ATP4A: variants seen among roughly 807,000 people sequenced by gnomAD.
ATP4A encodes ATPase H+/K+ transporting subunit alpha, also known as potassium-transporting ATPase alpha chain 1.
ATP4A carries 73 observed loss-of-function variants against 112.1 expected under a neutral mutation model. That is an observed-to-expected ratio of 0.65 (90% confidence interval 0.54 to 0.79). The LOEUF is 0.79. Among genes scored for constraint, ATP4A ranks in the 30% least tolerant of loss-of-function variants. The pLI, the probability that ATP4A is intolerant of heterozygous loss-of-function variation, is 0.00. For synonymous variants in ATP4A, 588 were observed against 588.9 expected (o/e 1.00, Z 0.02); for missense variants, 1,081 against 1,425.9 (o/e 0.76, Z 3.90).
intron 16 of ATP4A, 116 bp downstream of exon 16, chr19:35,554,806 T>C: frequency 1.4e-6 from 2 of 1,419,120 alleles, no homozygotes; most frequent in Non-Finnish European, 1.9e-6. Flanking sequence ...CACACACAGG[T>C]CTTGTCTGTC....
chr19:35,558,107 C>T lies in ATP4A; in HGVS notation c.1500+255G>A, dbSNP rs1202870891. 6 of 622,706 alleles carry T rather than the reference C, an allele frequency of 9.6e-6. No individual in the cohort carries two copies. The highest frequency in any genetic ancestry group is 1.7e-5 in the Non-Finnish European group (6 of 362,066). 38.6% of individuals were successfully genotyped at this position (622,706 alleles called of 1,614,324 possible). A position where few individuals can be genotyped will look rare whatever the true frequency, so the allele number is the denominator to read the frequency against. On this transcript the variant is annotated intron_variant, in intron 10 of 21. Transcript: ENST00000262623. This position sits in a 1 kb window ranked among gnomAD's most constrained non-coding sequence, Gnocchi z 5.1. ...AACAGAATTAGGGTGCGGAGTTGGG[C>T]TGGGGGCGGATTTGGAGAGCGAGGT...
At chr19:35,563,584 C>T (rs753971456) in intron 1 of ATP4A, 34 bp downstream of exon 1, 2 of 1,613,926 alleles carry the variant, frequency 1.2e-6, no homozygotes, top group Non-Finnish European at 8.5e-7. Flanking sequence ...AACCCCTGTC[C>T]CCACTGCACC....
Position 35,563,641 on chromosome 19 carries a change from C to T in ATP4A, c.-12G>A, listed in dbSNP as rs765280902. On this transcript the variant is annotated 5_prime_UTR_variant, in exon 1 of 22. Coordinates refer to ENST00000262623, the MANE Select transcript of ATP4A (RefSeq NM_000704.3). ...ACGGCCTTCCCCATGGTGCCCGGTG[C>T]CTGTGCTCCCACCCAACAGAGCCTG... 5.6e-6 allele frequency: 9 copies of T among 1,613,952 alleles called. No individual in the cohort carries two copies. The South Asian group carries it at 6.6e-5, about 12-fold the overall frequency.
chr19:35,556,839 A>T (rs2071633635), intron 12 of ATP4A, 74 bp downstream of exon 12: 1 of 1,542,838 alleles, frequency 6.5e-7, no homozygotes, highest in East Asian at 2.3e-5. Flanking sequence ...TGGGTTTGTC[A>T]TGGGGTTCTT....
chr19:35,554,149 G>A (rs1380870746), intron 16 of ATP4A, among the ~76,000 whole-genome samples: 1 of 151,836 alleles, frequency 6.6e-6, no homozygotes, highest in East Asian at 1.9e-4. Context: ...CTGCTCTTGT[G>A]TATTTCTGTG....
chr19:35,551,021 G>A lies in ATP4A; in HGVS notation c.2976C>T (p.Phe992=). 1 of 1,613,998 alleles carries A rather than the reference G, an allele frequency of 6.2e-7. No individual in the cohort carries two copies. The highest frequency in any genetic ancestry group is 1.1e-5 in the South Asian group (1 of 91,044). Residue 992 remains phenylalanine (F), a synonymous_variant, in exon 20 of 22, where the codon TTC becomes TTT. Coordinates refer to ENST00000262623, the MANE Select transcript of ATP4A (RefSeq NM_000704.3). The surrounding 1 kb of genome is among the most constrained non-coding windows in gnomAD (Gnocchi z 5.2). ...TCACAGCCTCTCACCGAATGGGCAT[G>A]AAGTTGAAGATGTTGGGCATGCCGG... is the stretch of plus-strand genomic sequence containing the variant. ...YCPGMPNIFN[F]MPIRFQWWLV... is the part of the protein sequence containing the mutation.
Position 35,555,424 on chromosome 19 carries a change from C to G in ATP4A, c.2157+16G>C. ...GCCTGTCTGCCCGCCTGCCCACCCT[C>G]ATCAGCAGGGCTCACCAGCCGCTGG... On this transcript the variant is annotated intron_variant, in intron 14 of 21. Transcript: ENST00000262623. The surrounding 1 kb of genome is among the most constrained non-coding windows in gnomAD (Gnocchi z 6.6). 3 of 1,610,132 alleles carry G rather than the reference C, an allele frequency of 1.9e-6. No homozygotes were observed. The highest frequency in any genetic ancestry group is 2.5e-6 in the Non-Finnish European group (3 of 1,177,648).
chr19:35,557,559 G>A lies in ATP4A; in HGVS notation c.1693+96C>T. The A allele has an allele frequency of 7.8e-6, 11 of 1,404,686 alleles. No homozygotes were observed. The highest frequency in any genetic ancestry group is 9.6e-6 in the Non-Finnish European group (10 of 1,042,514). 87.0% of individuals were successfully genotyped at this position (1,404,686 alleles called of 1,614,324 possible). On this transcript the variant is annotated intron_variant, in intron 11 of 21. Transcript: ENST00000262623. The surrounding 1 kb of genome is among the most constrained non-coding windows in gnomAD (Gnocchi z 4.4). ...TGCGACAAATCAGCCAGCAGCCAGG[G>A]ATGAGGACGGTCAGGGCTGGGCCGG...
rs1258858572 is a variant in ATP4A, at chr19:35,551,535, A to G, written c.2797T>C (p.Phe933Leu). 6.2e-7 allele frequency: 1 copy of G among 1,613,874 alleles called. No homozygotes were observed. The highest frequency in any genetic ancestry group is 8.5e-7 in the Non-Finnish European group (1 of 1,179,956). The stretch of plus-strand genomic sequence containing the variant: ...TGGCACACCTCAATGCTGATGAAGA[A>G]CACGGTGTAGCAGGTGTACTGCTGG... The part of the protein sequence containing the change: ...LYQQYTCYTV[F>L]FISIEVCQIA... The change falls in exon 19 of 22, where the codon TTC (phenylalanine) becomes CTC (leucine). Residue 933 changes from phenylalanine to leucine, a missense_variant. This residue lies in a region of ATP4A where 219 missense variants were observed against 320.9 expected (regional missense o/e 0.68). Transcript: ENST00000262623. This position sits in a 1 kb window ranked among gnomAD's most constrained non-coding sequence, Gnocchi z 5.2.
Position 35,558,736 on chromosome 19 carries a change from C to T in ATP4A, c.1256-50G>A. 1.3e-6 allele frequency: 2 copies of T among 1,515,584 alleles called. No homozygotes were observed. The highest frequency in any genetic ancestry group is 1.8e-6 in the Non-Finnish European group (2 of 1,128,612). The allele number at this position is 1,515,584 out of a possible 1,614,324, so 93.9% of individuals were successfully genotyped here. Reference sequence around the variant, plus strand: ...GTCCCGCACGGCGGCTCTCCCGGACCAGAACCGAGCCCCCTCCTCCTAGGC... The same window carrying T: ...GTCCCGCACGGCGGCTCTCCCGGACTAGAACCGAGCCCCCTCCTCCTAGGC... On this transcript the variant is annotated intron_variant, in intron 8 of 21. Coordinates refer to ENST00000262623, the MANE Select transcript of ATP4A (RefSeq NM_000704.3). The surrounding 1 kb of genome is among the most constrained non-coding windows in gnomAD (Gnocchi z 5.1).
chr19:35,556,853 C>T, intron 12 of ATP4A, 60 bp downstream of exon 12: 2 of 1,573,096 alleles, frequency 1.3e-6, no homozygotes, highest in East Asian at 2.3e-5. Flanking sequence ...GGTTCTTCAA[C>T]CCAAATCCTG....
At chr19:35,552,296 C>T (rs1442448321) in intron 18 of ATP4A, among the ~76,000 whole-genome samples, 5 of 152,256 alleles carry the variant, frequency 3.3e-5, no homozygotes, top group African/African-American at 1.2e-4. Flanking sequence ...TCATTTAATC[C>T]GCTGGGTAAC....
rs1240197857 is a variant in ATP4A at position 35,559,467 on chromosome 19, G to A, written c.1057-276C>T. Among the ~76,000 whole-genome samples, 1 of 152,240 alleles carries A rather than the reference G, an allele frequency of 6.6e-6. No individual in the cohort carries two copies. Among genetic ancestry groups the A allele is most frequent in the African/African-American group, 2.4e-5 (1 of 41,466 alleles). On this transcript the variant is annotated intron_variant, in intron 7 of 21. Transcript: ENST00000262623. This position sits in a 1 kb window ranked among gnomAD's most constrained non-coding sequence, Gnocchi z 4.1. ...TCTCTTCACACAATCAAAATGAGAA[G>A]AGGAACCTTCCCCGCACCTCCCTGG...
chr19:35,555,272 G>A lies in ATP4A; in HGVS notation c.2220C>T (p.Asp740=), dbSNP rs201082348. 134 of 1,614,084 alleles carry A rather than the reference G, an allele frequency of 8.3e-5. No homozygotes were observed. The highest frequency in any genetic ancestry group is 1.1e-4 in the Non-Finnish European group (124 of 1,180,050). ...VNDSPALKKA[D]IGVAMGIAGS... is the part of the protein sequence containing the mutation. Reference sequence around the variant, plus strand: ...CAGCGATGCCCATGGCTACTCCGATGTCTGCCTTCTTCAGAGCTGGGGAGT... The same window carrying A: ...CAGCGATGCCCATGGCTACTCCGATATCTGCCTTCTTCAGAGCTGGGGAGT... The change falls in exon 15 of 22, where the codon GAC becomes GAT. Residue 740 remains aspartate, a synonymous_variant. Transcript: ENST00000262623. This position sits in a 1 kb window ranked among gnomAD's most constrained non-coding sequence, Gnocchi z 6.6.
Position 35,562,447 on chromosome 19 carries a change from G to C in ATP4A, c.408C>G (p.Thr136=). 1 of 1,613,914 alleles carries C rather than the reference G, an allele frequency of 6.2e-7. No individual in the cohort carries two copies. Among genetic ancestry groups the C allele is most frequent in the South Asian group, 1.1e-5 (1 of 91,024 alleles). ...CAACATGGCTCACATTGTCGTCGGT[G>C]GTGAGGTCCCCCTCACTAGCCTGGA... ...FAIQASEGDL[T]TDDNLYLAIA... is the part of the protein sequence containing the mutation. The change falls in exon 4 of 22, where the codon ACC becomes ACG. Residue 136 remains threonine (T), a synonymous_variant. Transcript: ENST00000262623.
In ATP4A at chr19:35,557,855, C is replaced by A; in HGVS notation, c.1501-8G>T. On this transcript the variant is annotated splice_region_variant and splice_polypyrimidine_tract_variant and intron_variant, in intron 10 of 21. Coordinates refer to ENST00000262623, the MANE Select transcript of ATP4A (RefSeq NM_000704.3). This position sits in a 1 kb window ranked among gnomAD's most constrained non-coding sequence, Gnocchi z 4.4. ...CAGCGTATGGATGGACAGCTGTGGG[C>A]GGGGGGGAGAGGCGAGGCTGTGGAC... 3 of 1,006,888 alleles carry A rather than the reference C, an allele frequency of 3.0e-6. No homozygotes were observed. The highest frequency in any genetic ancestry group is 3.5e-4 in the Middle Eastern group (1 of 2,898). The allele number at this position is 1,006,888 out of a possible 1,614,324, so 62.4% of individuals were successfully genotyped here.
Position 35,559,263 on chromosome 19 carries a change from C to A in ATP4A, c.1057-72G>T. On this transcript the variant is annotated intron_variant, in intron 7 of 21. Coordinates refer to ENST00000262623, the MANE Select transcript of ATP4A (RefSeq NM_000704.3). The surrounding 1 kb of genome is among the most constrained non-coding windows in gnomAD (Gnocchi z 4.1). ...CAGTCCTCTTCCCCGCGTCAAAGAA[C>A]GGGGAAGGCTTTACCCCAGCCGCGG... The A allele has an allele frequency of 6.5e-7, 1 of 1,533,704 alleles. No individual in the cohort carries two copies. The highest frequency in any genetic ancestry group is 1.1e-5 in the South Asian group (1 of 88,814).
At chr19:35,556,765 G>T in intron 12 of ATP4A, 148 bp downstream of exon 12, 1 of 953,736 alleles carries the variant, frequency 1.0e-6, no homozygotes, top group Non-Finnish European at 1.5e-6. Context: ...TAGACCTGAA[G>T]CTTAATTCCC....
intron 4 of ATP4A, 112 bp from the exon 5 acceptor site, chr19:35,561,044 C>A: frequency 1.2e-6 from 1 of 845,100 alleles, no homozygotes; most frequent in Non-Finnish European, 1.9e-6. Context: ...ATGCTTTTCC[C>A]CACCTACTAG....
Sources: allele counts gnomAD v4.1 joint callset (sites outside exome capture counted in the v4.1 genomes callset), GRCh38; gene constraint gnomAD v4.1.1; regional missense constraint gnomAD v4.1.1; non-coding constraint Gnocchi (gnomAD v3.1); transcripts MANE v1.5; gene names NCBI Gene and HGNC (gene_info 2026-07-23, HGNC 2026-07-21).